STK33: variants seen among roughly 807,000 people sequenced by gnomAD.
STK33 encodes serine/threonine kinase 33.
A neutral mutation model predicts 58.0 loss-of-function variants in STK33; 52 were observed. The observed-to-expected ratio is 0.90, with a 90% CI of 0.72 to 1.13. STK33 has a LOEUF of 1.13. Ranked by LOEUF, STK33 falls within the 50% of genes most tolerant of loss-of-function variation. STK33 has a pLI of 0.00. For missense variants in STK33, 630 were observed against 604.2 expected, an observed-to-expected ratio of 1.04 and a Z score of -0.45; for synonymous variants, 215 against 200.1, an observed-to-expected ratio of 1.07 and a Z score of -0.63.
chr11:8,548,855 T>A (rs1956120993), intron 1 of STK33, among the ~76,000 whole-genome samples: 1 of 152,224 alleles, frequency 6.6e-6, no homozygotes, highest in Non-Finnish European at 1.5e-5. Flanking sequence ...TTGGTTAAAT[T>A]TATCCCTAGG....
intron 14 of STK33, among the ~76,000 whole-genome samples, chr11:8,423,004 C>A (rs528706405): frequency 6.7e-6 from 1 of 148,688 alleles, no homozygotes; most frequent in East Asian, 2.0e-4. Context: ...CCATGCCCGG[C>A]TGATTTTTTA....
At chr11:8,416,946 G>C (rs919109529) in intron 14 of STK33, among the ~76,000 whole-genome samples, 1 of 152,154 alleles carries the variant, frequency 6.6e-6, no homozygotes, top group Non-Finnish European at 1.5e-5. Flanking sequence ...CTTGCTAGCA[G>C]CTGAAGGATA....
chr11:8,395,367 C>T (rs961792917), intron 15 of STK33, among the ~76,000 whole-genome samples: 5 of 152,168 alleles, frequency 3.3e-5, no homozygotes, highest in Admixed American at 6.5e-5. Flanking sequence ...CCACCTAAGG[C>T]GTATCTTTGC....
chr11:8,381,996 C>G, the STK33 span, among the ~76,000 whole-genome samples: 1 of 152,116 alleles, frequency 6.6e-6, no homozygotes, highest in Non-Finnish European at 1.5e-5. Context: ...CACCCATATC[C>G]CTCTGTAACC....
intron 1 of STK33, among the ~76,000 whole-genome samples, chr11:8,563,923 G>A (rs1319297356): frequency 6.6e-6 from 1 of 152,116 alleles, no homozygotes; most frequent in Non-Finnish European, 1.5e-5. Flanking sequence ...GACCAGTATG[G>A]CTGAACTGTG....
chr11:8,427,976 T>C (rs1942970815), intron 14 of STK33, among the ~76,000 whole-genome samples: 2 of 152,226 alleles, frequency 1.3e-5, no homozygotes, highest in African/African-American at 4.8e-5. Context: ...GGCATGGATC[T>C]AGAGCCAGTC....
At chr11:8,553,240 A>T in intron 1 of STK33, among the ~76,000 whole-genome samples, 1 of 92,822 alleles carries the variant, frequency 1.1e-5, no homozygotes, top group Non-Finnish European at 2.1e-5. Context: ...GTATATATAT[A>T]TGATATATAT....
intron 14 of STK33, chr11:8,433,755 C>T (rs887427420): frequency 1.3e-5 from 2 of 152,066 alleles, no homozygotes; most frequent in Non-Finnish European, 1.5e-5. Context: ...TCATCGAATC[C>T]GTCATCAACT....
chr11:8,399,606 A>G (rs1279570659), intron 15 of STK33, among the ~76,000 whole-genome samples: 1 of 152,220 alleles, frequency 6.6e-6, no homozygotes, highest in African/African-American at 2.4e-5. Flanking sequence ...AAGGCAAGAA[A>G]TAACTAAGAT....
At chr11:8,402,023 G>T (rs1331023936) in intron 15 of STK33, among the ~76,000 whole-genome samples, 3 of 151,590 alleles carry the variant, frequency 2.0e-5, no homozygotes, top group Non-Finnish European at 1.5e-5. Context: ...TGGTGGGACT[G>T]TAAACTAGTT....
At chr11:8,541,929 CA>C (rs1202311876) in intron 1 of STK33, among the ~76,000 whole-genome samples, 3 of 152,250 alleles carry the variant, frequency 2.0e-5, no homozygotes, top group Admixed American at 6.5e-5. Flanking sequence ...CTATGTTTCA[CA>C]TCTCTCATAA....
intron 1 of STK33, among the ~76,000 whole-genome samples, chr11:8,536,427 G>C (rs1955006871): frequency 6.6e-6 from 1 of 152,042 alleles, no homozygotes; most frequent in Admixed American, 6.5e-5. Context: ...TAAAATTTCA[G>C]AACACCAAGA....
chr11:8,527,695 A>G (rs1954171365), intron 1 of STK33, among the ~76,000 whole-genome samples: 1 of 152,146 alleles, frequency 6.6e-6, no homozygotes, highest in South Asian at 2.1e-4. Flanking sequence ...CAGAAAAATT[A>G]TTATATCTAA....
At chr11:8,548,619 G>T (rs1956104340) in intron 1 of STK33, among the ~76,000 whole-genome samples, 1 of 152,128 alleles carries the variant, frequency 6.6e-6, no homozygotes, top group African/African-American at 2.4e-5. Flanking sequence ...ACAAATTTTA[G>T]AATTTTTCTT....
chr11:8,558,398 TACACACACACAC>T (rs71059170), intron 1 of STK33, among the ~76,000 whole-genome samples: 71,020 of 149,654 alleles, frequency 0.47, 17,024 homozygotes, highest in South Asian at 0.58. Context: ...TTGTCAGTGA[TACACACACACAC>T]ACACACACAC....
intron 14 of STK33, among the ~76,000 whole-genome samples, chr11:8,427,259 TTC>T (rs369895720): frequency 1.3e-5 from 2 of 152,216 alleles, no homozygotes; most frequent in African/African-American, 4.8e-5. Flanking sequence ...AACTTTAAAG[TTC>T]TTTTTCCCTT....
rs559349745 is a variant in STK33 at position 8,535,825 on chromosome 11, T to C, written c.-465-55211A>G. Among the ~76,000 whole-genome samples the C allele has an allele frequency of 1.4e-4, 21 of 152,262 alleles. No individual in the cohort carries two copies. The South Asian group carries it at 3.9e-3, about 29-fold the overall frequency. ...AGCATTATTCACAATAGTAATGATA[T>C]GGAATCAACCTAAGTGTCCCTCAAC... On this transcript the variant is annotated intron_variant, in intron 1 of 15. Transcript: ENST00000687296.
the STK33 span, among the ~76,000 whole-genome samples, chr11:8,347,745 C>A: frequency 0.34 from 51,681 of 152,096 alleles, 8,856 homozygotes; most frequent in South Asian, 0.45. Flanking sequence ...AATACCTGAC[C>A]AACAGCACAA....
Position 8,495,914 on chromosome 11 carries a change from C to G in STK33, c.-465-15300G>C, listed in dbSNP as rs553038038. 1.4e-3 allele frequency among the ~76,000 whole-genome samples: 202 copies of G among 146,822 alleles called. 2 individuals carry two copies. The highest frequency in any genetic ancestry group is 3.6e-3 in the African/African-American group (140 of 39,252). On this transcript the variant is annotated intron_variant, in intron 1 of 15. Transcript: ENST00000687296. ...AGTGAACAATGAGAACACTTGAACA[C>G]AGGGCGGGGAATATCACACACTGGG... is the stretch of plus-strand genomic sequence containing the variant.
Sources: allele counts gnomAD v4.1 joint callset (sites outside exome capture counted in the v4.1 genomes callset), GRCh38; gene constraint gnomAD v4.1.1; transcripts MANE v1.5; gene names NCBI Gene and HGNC (gene_info 2026-07-23, HGNC 2026-07-21).